The following FOXP1 variants were observed in gnomAD, a reference collection of about 807,000 sequenced individuals.
FOXP1 encodes forkhead box P1, also known as forkhead box protein P1.
FOXP1 carries 15 observed loss-of-function variants against 98.2 expected under a neutral mutation model. The observed-to-expected ratio is 0.15, with a 90% CI of 0.10 to 0.24. The LOEUF is 0.24. FOXP1 is among the 10% of genes least tolerant of loss of function. FOXP1 has a pLI of 1.00. For synonymous variants in FOXP1, 371 were observed against 314.5 expected (o/e 1.18, Z -1.90); for missense variants, 633 against 848.5 (o/e 0.75, Z 3.15).
intron 7 of FOXP1, among the ~76,000 whole-genome samples, chr3:71,102,986 T>C (rs928598731): frequency 1.3e-5 from 2 of 152,216 alleles, no homozygotes; most frequent in South Asian, 4.1e-4. Context: ...GTACAGTAGT[T>C]GGCTCCTAGA....
At chr3:70,959,819 G>A (rs2032842653) in intron 20 of FOXP1, among the ~76,000 whole-genome samples, 1 of 152,140 alleles carries the variant, frequency 6.6e-6, no homozygotes, top group South Asian at 2.1e-4. Context: ...TGTGATTCAG[G>A]TCTGGGGTGG....
chr3:71,093,890 T>C (rs1409922976), intron 7 of FOXP1, among the ~76,000 whole-genome samples: 1 of 152,198 alleles, frequency 6.6e-6, no homozygotes, highest in Non-Finnish European at 1.5e-5. Flanking sequence ...AAATCAATAA[T>C]CTTCTCATGA....
At chr3:71,542,939 C>T (rs1390484265) in intron 2 of FOXP1, among the ~76,000 whole-genome samples, 1 of 152,182 alleles carries the variant, frequency 6.6e-6, no homozygotes, top group Non-Finnish European at 1.5e-5. Context: ...CTTCGCTCTC[C>T]GAGCCTCGGT....
intron 3 of FOXP1, among the ~76,000 whole-genome samples, chr3:71,445,935 C>T (rs777199856): frequency 6.6e-6 from 1 of 152,170 alleles, no homozygotes; most frequent in Non-Finnish European, 1.5e-5. Flanking sequence ...GATCCGCCCA[C>T]CTTGGCCTCC....
intron 20 of FOXP1, among the ~76,000 whole-genome samples, chr3:70,961,260 G>A (rs949421442): frequency 6.8e-6 from 1 of 146,728 alleles, no homozygotes; most frequent in Admixed American, 6.8e-5. Context: ...AGACATAGTC[G>A]TGCTCTGTCA....
intron 9 of FOXP1, among the ~76,000 whole-genome samples, chr3:71,051,407 C>T (rs62257228): frequency 1.1e-3 from 167 of 152,212 alleles, no homozygotes; most frequent in Non-Finnish European, 2.2e-3. Flanking sequence ...AAAACGTCCC[C>T]AATTTGTGTC....
rs374515912 is a variant in FOXP1 at position 71,085,095 on chromosome 3, T to C, written c.282+27441A>G. On this transcript the variant is annotated intron_variant, in intron 7 of 20. Coordinates refer to ENST00000649528, the MANE Select transcript of FOXP1 (RefSeq NM_001349338.3). ...AAGCCACTTATTTCTATGCATTTTC[T>C]GTCCAGCTCTGTAACAGCTTGCAAC... 5.2e-5 allele frequency among the ~76,000 whole-genome samples: 8 copies of C among 152,388 alleles called. No homozygotes were observed. The East Asian group carries it at 9.6e-4, about 18-fold the overall frequency.
At position 71,434,520 on chromosome 3, in the gene FOXP1, T is replaced by C. The variant is rs143424605; in HGVS notation, c.-168+58906A>G. 2.7e-4 allele frequency among the ~76,000 whole-genome samples: 41 copies of C among 152,208 alleles called. 2 individuals carry two copies. Among genetic ancestry groups the C allele is most frequent in the African/African-American group, 8.4e-4 (35 of 41,524 alleles). ...TGCACATACATATTATGTACACTTG[T>C]GCAAATTAAAGAAATGTACACACAA... On this transcript the variant is annotated intron_variant, in intron 3 of 20. Coordinates refer to ENST00000649528, the MANE Select transcript of FOXP1 (RefSeq NM_001349338.3).
chr3:71,437,584 AC>A, intron 3 of FOXP1, among the ~76,000 whole-genome samples: 1 of 152,198 alleles, frequency 6.6e-6, no homozygotes, highest in African/African-American at 2.4e-5. Context: ...TCACAGGAAC[AC>A]CCCAGGTCTC....
At chr3:71,287,679 T>G (rs967783171) in intron 5 of FOXP1, among the ~76,000 whole-genome samples, 1 of 151,130 alleles carries the variant, frequency 6.6e-6, no homozygotes, top group Non-Finnish European at 1.5e-5. Context: ...ACTCAGGAGG[T>G]TGAGGCAGGA....
At chr3:71,393,836 T>C (rs2081202788) in intron 3 of FOXP1, among the ~76,000 whole-genome samples, 1 of 152,208 alleles carries the variant, frequency 6.6e-6, no homozygotes. Context: ...CTATGGACTC[T>C]CTCATCCCAT....
intron 4 of FOXP1, among the ~76,000 whole-genome samples, chr3:71,310,726 T>G (rs922324732): frequency 2.6e-5 from 4 of 152,222 alleles, no homozygotes; most frequent in Admixed American, 2.6e-4. Flanking sequence ...AGCGATCGTC[T>G]GTAGGACACA....
intron 2 of FOXP1, among the ~76,000 whole-genome samples, chr3:71,563,778 A>T (rs1353294810): frequency 6.6e-6 from 1 of 152,242 alleles, no homozygotes; most frequent in Non-Finnish European, 1.5e-5. Context: ...CAATGTGACC[A>T]AATGACAACT....
intron 2 of FOXP1, among the ~76,000 whole-genome samples, chr3:71,561,745 T>A (rs760001721): frequency 6.6e-6 from 1 of 152,198 alleles, no homozygotes; most frequent in African/African-American, 2.4e-5. Context: ...TCACTGCAAA[T>A]CAAATTCTAT....
intron 6 of FOXP1, among the ~76,000 whole-genome samples, chr3:71,183,441 G>A (rs2062453165): frequency 6.6e-6 from 1 of 152,166 alleles, no homozygotes; most frequent in Non-Finnish European, 1.5e-5. Flanking sequence ...GGAGGTTGCA[G>A]TGAGCCGAGA....
At chr3:71,198,057 T>C (rs750240206) in intron 6 of FOXP1, 145 bp downstream of exon 6, 3 of 1,614,212 alleles carry the variant, frequency 1.9e-6, no homozygotes, top group Middle Eastern at 3.3e-4. Flanking sequence ...GCTGATGGTT[T>C]ATGAGATGCC....
chr3:71,380,221 G>A (rs919164483), intron 3 of FOXP1, among the ~76,000 whole-genome samples: 1 of 152,164 alleles, frequency 6.6e-6, no homozygotes, highest in Non-Finnish European at 1.5e-5. Flanking sequence ...CAGAAATGTG[G>A]ACCCCTAGTG....
At chr3:71,491,412 A>C (rs1448114901) in intron 3 of FOXP1, among the ~76,000 whole-genome samples, 1 of 152,232 alleles carries the variant, frequency 6.6e-6, no homozygotes, top group African/African-American at 2.4e-5. Flanking sequence ...AAACCTCAGG[A>C]GTTCACGGGT....
intron 4 of FOXP1, among the ~76,000 whole-genome samples, chr3:71,323,186 G>A (rs2075494233): frequency 6.6e-6 from 1 of 152,092 alleles, no homozygotes; most frequent in Non-Finnish European, 1.5e-5. Flanking sequence ...GGTCAGGCTG[G>A]TCTCGAACTC....
Sources: allele counts gnomAD v4.1 joint callset (sites outside exome capture counted in the v4.1 genomes callset), GRCh38; gene constraint gnomAD v4.1.1; transcripts MANE v1.5; gene names NCBI Gene and HGNC (gene_info 2026-07-23, HGNC 2026-07-21).